CCL28: variants seen among roughly 807,000 people sequenced by gnomAD.
CCL28 encodes the protein C-C motif chemokine 28.
A neutral mutation model predicts 7.1 loss-of-function variants in CCL28; 4 were observed. The observed-to-expected ratio is 0.56, with a 90% CI of 0.28 to 1.29. The LOEUF (loss-of-function observed/expected upper bound fraction) is 1.29. Ranked by LOEUF, CCL28 falls within the 50% of genes most tolerant of loss-of-function variation. The probability of loss-of-function intolerance (pLI) is 0.11; values close to 1 mark genes in which losing one functional copy is unlikely to be tolerated. For synonymous variants in CCL28, 55 were observed against 57.8 expected (o/e 0.95, Z 0.22); for missense variants, 151 against 163.4 (o/e 0.92, Z 0.41).
the CCL28 span, among the ~76,000 whole-genome samples, chr5:43,362,994 TACTTGGGGTGCACATACACTA>T: frequency 6.6e-6 from 1 of 152,236 alleles, no homozygotes; most frequent in African/African-American, 2.4e-5. Context: ...TTGTTCTACT[TACTTGGGGTGCACATACACTA>T]ACATTTATTT....
In CCL28 at chr5:43,380,014, G is replaced by A. The variant is rs1213397181; in HGVS notation, c.*1846C>T. ...TGGGCGCCTGTAATATCAGTTACTTGGGAGGCTGAGGCAAGAGAATCACTT... is the reference window on the plus strand; with the variant it reads ...TGGGCGCCTGTAATATCAGTTACTTAGGAGGCTGAGGCAAGAGAATCACTT... On this transcript the variant is annotated 3_prime_UTR_variant, in exon 3 of 3. Coordinates refer to ENST00000361115, the MANE Select transcript of CCL28 (RefSeq NM_148672.3). 1.3e-5 allele frequency: 2 copies of A among 152,162 alleles called. No individual in the cohort carries two copies. Among genetic ancestry groups the A allele is most frequent in the African/African-American group, 4.8e-5 (2 of 41,418 alleles). The allele number at this position is 152,162 out of a possible 1,614,324, so 9.4% of individuals were successfully genotyped here. A position where few individuals can be genotyped will look rare whatever the true frequency, so the allele number is the denominator to read the frequency against.
chr5:43,373,747 T>C (rs894872271), downstream of CCL28, among the ~76,000 whole-genome samples: 7 of 152,244 alleles, frequency 4.6e-5, no homozygotes, highest in African/African-American at 1.2e-4. Context: ...TTTCCAAAAC[T>C]GACTTTTCTC....
rs935771044 is a variant in CCL28 at position 43,393,634 on chromosome 5, C to T, written c.65-5158G>A. Among the ~76,000 whole-genome samples the T allele has an allele frequency of 1.9e-4, 29 of 152,180 alleles. 1 individual carries two copies. The highest frequency in any genetic ancestry group is 1.9e-3 in the Admixed American group (29 of 15,286). ...CCTCCCAAAGTGCTGGGATTACAGG[C>T]GTGAGCCACCGCGCCCGGCCTCCTT... On this transcript the variant is annotated intron_variant, in intron 1 of 2. Coordinates refer to ENST00000361115, the MANE Select transcript of CCL28 (RefSeq NM_148672.3).
the CCL28 span, among the ~76,000 whole-genome samples, chr5:43,369,179 A>T: frequency 6.6e-6 from 1 of 152,100 alleles, no homozygotes; most frequent in Non-Finnish European, 1.5e-5. Context: ...GCAAATCACT[A>T]GGTTCAGCCC....
At chr5:43,360,383 G>A in the CCL28 span, among the ~76,000 whole-genome samples, 155 of 151,958 alleles carry the variant, frequency 1.0e-3, no homozygotes, top group African/African-American at 3.5e-3. Flanking sequence ...ACTAAGCCTC[G>A]TACCCAATAG....
chr5:43,403,578 C>T (rs1741134483), intron 1 of CCL28, among the ~76,000 whole-genome samples: 1 of 152,154 alleles, frequency 6.6e-6, no homozygotes, highest in Non-Finnish European at 1.5e-5. Context: ...AGCAGAAAAA[C>T]TGACAAATCT....
At chr5:43,362,544 G>T in the CCL28 span, among the ~76,000 whole-genome samples, 1 of 152,110 alleles carries the variant, frequency 6.6e-6, no homozygotes, top group Non-Finnish European at 1.5e-5. Flanking sequence ...TTACTAAGTT[G>T]TGTGTGTGTT....
At position 43,387,714 on chromosome 5, in the gene CCL28, C is replaced by T. The variant is rs546612406; in HGVS notation, c.191+636G>A. 1.8e-4 allele frequency among the ~76,000 whole-genome samples: 28 copies of T among 152,290 alleles called. 1 individual carries two copies. The South Asian group carries it at 5.6e-3, about 30-fold the overall frequency. On this transcript the variant is annotated intron_variant, in intron 2 of 2. Transcript: ENST00000361115. The stretch of plus-strand genomic sequence containing the variant: ...GCATGAGCACGGCTCACTGCAGCCT[C>T]GAACTGGGCTCAACGATCCTCCCAT...
chr5:43,402,462 T>C (rs1369132367), intron 1 of CCL28, among the ~76,000 whole-genome samples: 1 of 152,228 alleles, frequency 6.6e-6, no homozygotes, highest in Non-Finnish European at 1.5e-5. Context: ...TGAATAGATA[T>C]ACTGTTATCT....
chr5:43,373,408 C>A (rs2111641844), downstream of CCL28, among the ~76,000 whole-genome samples: 1 of 152,242 alleles, frequency 6.6e-6, no homozygotes, highest in South Asian at 2.1e-4. Flanking sequence ...TCAAGTGATT[C>A]TCCTGCCTCA....
At chr5:43,410,259 G>T (rs1435172740) in intron 1 of CCL28, among the ~76,000 whole-genome samples, 1 of 152,166 alleles carries the variant, frequency 6.6e-6, no homozygotes, top group African/African-American at 2.4e-5. Context: ...CTCCCACAGG[G>T]CACCTGGCTT....
chr5:43,383,344 G>C (rs1009654783), intron 2 of CCL28, among the ~76,000 whole-genome samples: 2 of 152,000 alleles, frequency 1.3e-5, no homozygotes, highest in Admixed American at 6.6e-5. Flanking sequence ...CTGTTATTCA[G>C]GGAAAAAACA....
chr5:43,403,759 T>G (rs1198885453), intron 1 of CCL28, among the ~76,000 whole-genome samples: 1 of 152,016 alleles, frequency 6.6e-6, no homozygotes, highest in East Asian at 1.9e-4. Context: ...TTAAAAACCT[T>G]GAAAAAAGAT....
At chr5:43,374,561 T>A (rs1030177856), downstream of CCL28, among the ~76,000 whole-genome samples, 1 of 152,140 alleles carries the variant, frequency 6.6e-6, no homozygotes, top group African/African-American at 2.4e-5. Flanking sequence ...GGCGGGCGGA[T>A]CACGAGGTCA....
chr5:43,405,480 G>A (rs1012942509), intron 1 of CCL28, among the ~76,000 whole-genome samples: 1 of 152,206 alleles, frequency 6.6e-6, no homozygotes, highest in African/African-American at 2.4e-5. Flanking sequence ...CAGAATCTCT[G>A]GGACACATTT....
chr5:43,363,873 AC>A, the CCL28 span, among the ~76,000 whole-genome samples: 1 of 152,150 alleles, frequency 6.6e-6, no homozygotes, highest in African/African-American at 2.4e-5. Context: ...TCTTATGGCA[AC>A]CTTTGGGTTT....
At chr5:43,363,002 G>T in the CCL28 span, among the ~76,000 whole-genome samples, 3 of 152,158 alleles carry the variant, frequency 2.0e-5, no homozygotes, top group Non-Finnish European at 4.4e-5. Context: ...CTTACTTGGG[G>T]TGCACATACA....
At chr5:43,367,578 TC>T in the CCL28 span, among the ~76,000 whole-genome samples, 1 of 152,160 alleles carries the variant, frequency 6.6e-6, no homozygotes, top group African/African-American at 2.4e-5. Flanking sequence ...ATCTAACCAG[TC>T]CCAGTGAGGT....
chr5:43,403,301 CTGAGA>C (rs989156509), intron 1 of CCL28, among the ~76,000 whole-genome samples: 16 of 152,192 alleles, frequency 1.1e-4, no homozygotes, highest in Admixed American at 9.8e-4. Context: ...GGGTGACCCT[CTGAGA>C]TGAAGCTTGC....
Sources: allele counts gnomAD v4.1 joint callset (sites outside exome capture counted in the v4.1 genomes callset), GRCh38; gene constraint gnomAD v4.1.1; transcripts MANE v1.5; gene names NCBI Gene and HGNC (gene_info 2026-07-23, HGNC 2026-07-21).